ABCD3: variants seen among roughly 807,000 people sequenced by gnomAD.
ABCD3 encodes ATP-binding cassette sub-family D member 3.
Under a neutral mutation model 105.5 loss-of-function variants are expected in ABCD3, and 41 were observed. The observed-to-expected ratio is 0.39, with a 90% confidence interval of 0.30 to 0.50. The LOEUF (loss-of-function observed/expected upper bound fraction) is 0.50. Ranked by LOEUF, ABCD3 falls within the 20% of genes least tolerant of loss-of-function variation. The pLI is 0.84. For synonymous variants in ABCD3, 258 were observed against 269.0 expected (o/e 0.96, Z 0.40); for missense variants, 622 against 806.3 (o/e 0.77, Z 2.77).
the ABCD3 span, among the ~76,000 whole-genome samples, chr1:94,405,062 G>A: frequency 1.3e-5 from 2 of 151,862 alleles, no homozygotes; most frequent in Admixed American, 1.3e-4. Flanking sequence ...TACTTGAACA[G>A]TTGGTTTGTG....
At chr1:94,437,816 TAGA>T (rs1270994356) in intron 1 of ABCD3, among the ~76,000 whole-genome samples, 3 of 152,216 alleles carry the variant, frequency 2.0e-5, no homozygotes, top group African/African-American at 7.2e-5. Flanking sequence ...TTGTGGTTCA[TAGA>T]AGAAGGTCAG....
At chr1:94,412,975 C>T in the ABCD3 span, among the ~76,000 whole-genome samples, 1 of 152,150 alleles carries the variant, frequency 6.6e-6, no homozygotes, top group African/African-American at 2.4e-5. Context: ...AAAAATTAAC[C>T]ACTTATCTGT....
intron 21 of ABCD3, among the ~76,000 whole-genome samples, chr1:94,509,689 A>T (rs1386135984): frequency 2.0e-5 from 3 of 152,280 alleles, no homozygotes; most frequent in Non-Finnish European, 4.4e-5. Flanking sequence ...CTATTCAGAG[A>T]TTCAACTTCT....
At chr1:94,508,758 T>C (rs1249401614) in intron 21 of ABCD3, among the ~76,000 whole-genome samples, 1 of 152,194 alleles carries the variant, frequency 6.6e-6, no homozygotes, top group Non-Finnish European at 1.5e-5. Context: ...GAAGCAATTG[T>C]GAATGGGAGT....
At chr1:94,445,456 A>G (rs1240447477) in intron 1 of ABCD3, among the ~76,000 whole-genome samples, 1 of 152,192 alleles carries the variant, frequency 6.6e-6, no homozygotes, top group East Asian at 1.9e-4. Flanking sequence ...CATTGGGACA[A>G]GTGTGGGCTC....
intron 4 of ABCD3, among the ~76,000 whole-genome samples, chr1:94,468,540 C>T (rs1467575972): frequency 6.6e-6 from 1 of 151,998 alleles, no homozygotes; most frequent in Non-Finnish European, 1.5e-5. Context: ...AATGTAAAAA[C>T]GTAAAAAATG....
chr1:94,494,106 TAAAA>T (rs1005577390), intron 16 of ABCD3, among the ~76,000 whole-genome samples: 1 of 151,906 alleles, frequency 6.6e-6, no homozygotes, highest in African/African-American at 2.4e-5. Context: ...ATAATAAAAT[TAAAA>T]AAAGAACAAT....
the ABCD3 span, among the ~76,000 whole-genome samples, chr1:94,392,772 A>G: frequency 5.9e-5 from 9 of 152,288 alleles, no homozygotes; most frequent in East Asian, 1.7e-3. Flanking sequence ...ATGGGTCTTT[A>G]TAGAGAGATT....
At chr1:94,393,134 G>GA in the ABCD3 span, among the ~76,000 whole-genome samples, 16 of 141,986 alleles carry the variant, frequency 1.1e-4, no homozygotes, top group African/African-American at 2.9e-4. Context: ...ATAAAAAGAA[G>GA]AAGAAAGAAA....
chr1:94,449,691 T>A (rs1270991830), intron 1 of ABCD3, among the ~76,000 whole-genome samples: 1 of 152,226 alleles, frequency 6.6e-6, no homozygotes, highest in East Asian at 1.9e-4. Flanking sequence ...TGCTGCACAG[T>A]GATTTCTATG....
chr1:94,477,765 G>C (rs866807898), intron 7 of ABCD3, among the ~76,000 whole-genome samples: 1 of 67,850 alleles, frequency 1.5e-5, no homozygotes, highest in Admixed American at 1.7e-4. Flanking sequence ...CACAAAATTA[G>C]ATTCAATGGC....
At position 94,475,221 on chromosome 1, in the gene ABCD3, C is replaced by G; in HGVS notation, c.484C>G (p.Leu162Val). The change falls in exon 6 of 23, where the codon CTC (leucine) becomes GTC (valine). Residue 162 changes from leucine (L) to valine (V), a missense_variant. This residue lies in a region of ABCD3 where 245 missense variants were observed against 356.4 expected (regional missense o/e 0.69). Transcript: ENST00000370214. ...CTTCCGAGTAAGGCTCACTAAATAC[C>G]TCTATGAGGAGTATCTTCAGTAAGT... ...LCFRVRLTKY[L>V]YEEYLQAFTY... 6.3e-7 allele frequency: 1 copy of G among 1,592,968 alleles called. No individual in the cohort carries two copies. The highest frequency in any genetic ancestry group is 8.6e-7 in the Non-Finnish European group (1 of 1,166,426).
chr1:94,425,088 G>T (rs1318517472), intron 1 of ABCD3, among the ~76,000 whole-genome samples: 2 of 152,024 alleles, frequency 1.3e-5, no homozygotes, highest in Non-Finnish European at 2.9e-5. Flanking sequence ...TTTAGGAGCT[G>T]GACCACTTAT....
At chr1:94,451,706 T>C (rs1251403649) in intron 1 of ABCD3, among the ~76,000 whole-genome samples, 3 of 152,216 alleles carry the variant, frequency 2.0e-5, no homozygotes, top group South Asian at 2.1e-4. Flanking sequence ...AACATGTTTA[T>C]AGTGAATCCA....
intron 1 of ABCD3, among the ~76,000 whole-genome samples, chr1:94,455,166 T>A (rs907797209): frequency 5.9e-5 from 9 of 152,200 alleles, no homozygotes; most frequent in African/African-American, 2.2e-4. Flanking sequence ...TGTGTATTAA[T>A]GTAAAGTCAA....
chr1:94,400,408 A>G, the ABCD3 span, among the ~76,000 whole-genome samples: 25 of 152,172 alleles, frequency 1.6e-4, no homozygotes, highest in South Asian at 1.5e-3. Context: ...TGTCTCGAAA[A>G]AAAAAAAAAG....
At chr1:94,514,048 C>A (rs1650812456) in intron 21 of ABCD3, 4 of 151,962 alleles carry the variant, frequency 2.6e-5, no homozygotes, top group Admixed American at 2.6e-4. Context: ...CTAGAATATA[C>A]TTATAATGAT....
chr1:94,498,714 T>G, intron 17 of ABCD3, 35 bp downstream of exon 17: 1 of 1,613,420 alleles, frequency 6.2e-7, no homozygotes. Context: ...TTTGCAGTCT[T>G]ATTTTGCCAT....
Position 94,418,423 on chromosome 1 carries a change from C to G in ABCD3, c.-56C>G, listed in dbSNP as rs1659106582. The G allele has an allele frequency of 5.3e-6, 6 of 1,127,396 alleles. No individual in the cohort carries two copies. In the South Asian group the frequency reaches 8.7e-5, roughly 16 times the overall value. The allele number at this position is 1,127,396 out of a possible 1,614,324, so 69.8% of individuals were successfully genotyped here. A position where few individuals can be genotyped will look rare whatever the true frequency, so the allele number is the denominator to read the frequency against. ...CCCCGCGCTGCGTGCAGTAAGGTAG[C>G]CGCCGCCGCCGCCGCCGCCGCGTCC... On this transcript the variant is annotated 5_prime_UTR_variant, in exon 1 of 23. Coordinates refer to ENST00000370214, the MANE Select transcript of ABCD3 (RefSeq NM_002858.4).
Sources: allele counts gnomAD v4.1 joint callset (sites outside exome capture counted in the v4.1 genomes callset), GRCh38; gene constraint gnomAD v4.1.1; regional missense constraint gnomAD v4.1.1; transcripts MANE v1.5; gene names NCBI Gene and HGNC (gene_info 2026-07-23, HGNC 2026-07-21).